The following FTSJ3 variants were observed in gnomAD, a reference collection of about 807,000 sequenced individuals.
FTSJ3 encodes pre-rRNA 2'-O-ribose RNA methyltransferase FTSJ3.
A neutral mutation model predicts 111.5 loss-of-function variants in FTSJ3; 46 were observed. The observed-to-expected ratio is 0.41, with a 90% CI of 0.33 to 0.53. FTSJ3 has a LOEUF of 0.53. Ranked by LOEUF, FTSJ3 falls within the 20% of genes least tolerant of loss-of-function variation. FTSJ3 has a pLI of 0.19. For synonymous variants in FTSJ3, 408 were observed against 383.0 expected, an observed-to-expected ratio of 1.07 and a Z score of -0.76; for missense variants, 1,075 against 1,063.8, an observed-to-expected ratio of 1.01 and a Z score of -0.15.
chr17:63,825,930 T>G, intron 5 of FTSJ3, 126 bp downstream of exon 5: 2 of 773,772 alleles, frequency 2.6e-6, no homozygotes. Context: ...CCATAGGTCT[T>G]GTCGTACAGA....
rs1367182763 is a variant in FTSJ3 at position 63,826,249 on chromosome 17, G to A, written c.220+9C>T. ...CTTAAAACACCAAGGAGAGCTGTCC[G>A]TTACTCACCCACAATAAGGCTGGAT... On this transcript the variant is annotated intron_variant, in intron 4 of 20. Coordinates refer to ENST00000427159, the MANE Select transcript of FTSJ3 (RefSeq NM_017647.4). 2.5e-6 allele frequency: 4 copies of A among 1,613,604 alleles called. No individual in the cohort carries two copies. Among genetic ancestry groups the A allele is most frequent in the Admixed American group, 1.7e-5 (1 of 59,998 alleles).
At position 63,821,793 on chromosome 17, in the gene FTSJ3, T is replaced by C. The variant is rs753315010; in HGVS notation, c.1526A>G (p.Asn509Ser). The C allele has an allele frequency of 5.6e-6, 9 of 1,613,942 alleles. No homozygotes were observed. In the Admixed American group the frequency reaches 1.5e-4, roughly 27 times the overall value. ...QDDKEEEEEENPLLVPLEEKA... is the reference protein window; with the variant it reads ...QDDKEEEEEESPLLVPLEEKA... ...TTCCTCCAGTGGTACCAGCAGTGGA[T>C]TCTCCTCCTCCTCCTCCTCTTTATC... The change falls in exon 15 of 21, where the codon AAT (asparagine) becomes AGT (serine). Residue 509 changes from asparagine (N) to serine (S), a missense_variant. Around this residue, in one of 2 missense-constraint regions of FTSJ3, gnomAD observed 867 missense variants for 796.9 expected, o/e 1.09. Transcript: ENST00000427159.
At chr17:63,820,986 C>G (rs1567751396) in intron 17 of FTSJ3, 44 bp downstream of exon 17, 2 of 1,609,268 alleles carry the variant, frequency 1.2e-6, no homozygotes, top group Admixed American at 1.7e-5. Context: ...AATACTGAGA[C>G]TTCCAGTGGT....
chr17:63,824,484 T>A (rs1431001380), intron 10 of FTSJ3, 73 bp from the exon 11 acceptor site: 18 of 1,542,144 alleles, frequency 1.2e-5, no homozygotes, highest in South Asian at 2.2e-5. Context: ...TTAGGCTCAC[T>A]ACCCACCTTT....
chr17:63,824,226 C>G lies in FTSJ3; in HGVS notation c.1012G>C (p.Glu338Gln). ...KALDISLSSG[E>Q]EDEGDEEDST... ...TCCTCCTCATCACCTTCATCTTCCT[C>G]TCCAGAGCTGAGGCTGGCAAAACAG... is the stretch of plus-strand genomic sequence containing the variant. The change falls in exon 12 of 21, where the codon GAG becomes CAG. Residue 338 changes from glutamate to glutamine, a missense_variant. Glu to Gln is a conservative substitution (Grantham distance 29, BLOSUM62 2). This residue lies in a region of FTSJ3 where 867 missense variants were observed against 796.9 expected (regional missense o/e 1.09). Coordinates refer to ENST00000427159, the MANE Select transcript of FTSJ3 (RefSeq NM_017647.4). 2 of 1,614,210 alleles carry G rather than the reference C, an allele frequency of 1.2e-6. No homozygotes were observed. Among genetic ancestry groups the G allele is most frequent in the Non-Finnish European group, 1.7e-6 (2 of 1,180,050 alleles).
chr17:63,823,090 CATTTT>C (rs2040065461), intron 13 of FTSJ3, among the ~76,000 whole-genome samples: 1 of 151,920 alleles, frequency 6.6e-6, no homozygotes, highest in South Asian at 2.1e-4. Context: ...CACAAAAGTT[CATTTT>C]GTTTGTGACC....
At chr17:63,821,904 C>G in intron 14 of FTSJ3, 61 bp from the exon 15 acceptor site, 1 of 1,613,524 alleles carries the variant, frequency 6.2e-7, no homozygotes, top group African/African-American at 1.3e-5. Context: ...CCCTTGCTGC[C>G]CTACTCAGGC....
At chr17:63,824,572 G>T in intron 10 of FTSJ3, 65 bp downstream of exon 10, 1 of 1,457,250 alleles carries the variant, frequency 6.9e-7, no homozygotes, top group Non-Finnish European at 9.6e-7. Context: ...CTTCCCAGAG[G>T]TCCAACATCA....
Position 63,827,509 on chromosome 17 carries a change from G to T in FTSJ3, c.-484C>A. The T allele has an allele frequency of 6.4e-7, 1 of 1,551,774 alleles. No homozygotes were observed. The highest frequency in any genetic ancestry group is 8.7e-7 in the Non-Finnish European group (1 of 1,147,010). On this transcript the variant is annotated 5_prime_UTR_variant, in exon 1 of 21. In the 5' UTR this introduces an upstream ATG that the reference lacks. Coordinates refer to ENST00000427159, the MANE Select transcript of FTSJ3 (RefSeq NM_017647.4). ...AGAGAAGATGGCGCTTGACGGACCA[G>T]AGCAGGTATGGCGGGTGCAGTGGCG...
Position 63,826,906 on chromosome 17 carries a change from G to A in FTSJ3, c.-4C>T, listed in dbSNP as rs371318776. 9.9e-6 allele frequency: 16 copies of A among 1,613,062 alleles called. No individual in the cohort carries two copies. Among genetic ancestry groups the A allele is most frequent in the Non-Finnish European group, 1.4e-5 (16 of 1,179,098 alleles). On this transcript the variant is annotated 5_prime_UTR_variant, in exon 2 of 21. Coordinates refer to ENST00000427159, the MANE Select transcript of FTSJ3 (RefSeq NM_017647.4). Reference sequence around the variant, plus strand: ...CAACTTTGCCCTTCTTGCCCATGGTGGAAAGGGGGAGTATCCCTCAATCTG... The same window carrying A: ...CAACTTTGCCCTTCTTGCCCATGGTAGAAAGGGGGAGTATCCCTCAATCTG...
chr17:63,823,612 A>G (rs1016017884), intron 13 of FTSJ3: 13 of 540,022 alleles, frequency 2.4e-5, no homozygotes, highest in African/African-American at 3.9e-5. Flanking sequence ...AAAAAAATAA[A>G]TCTATCACAC....
Position 63,827,436 on chromosome 17 carries a change from C to G in FTSJ3, c.-411G>C. On this transcript the variant is annotated 5_prime_UTR_variant, in exon 1 of 21. Coordinates refer to ENST00000427159, the MANE Select transcript of FTSJ3 (RefSeq NM_017647.4). ...TCTTCAGGTCCCAATCCTCCGCTTC[C>G]GCGCTTGCGCGCCAAGACGGCTCGG... The G allele has an allele frequency of 6.4e-7, 1 of 1,551,646 alleles. No individual in the cohort carries two copies. The highest frequency in any genetic ancestry group is 1.7e-4 in the Middle Eastern group (1 of 5,990).
At chr17:63,826,019 C>T (rs958196188) in intron 5 of FTSJ3, 37 bp downstream of exon 5, 8 of 1,517,576 alleles carry the variant, frequency 5.3e-6, no homozygotes, top group Middle Eastern at 1.9e-4. Flanking sequence ...TAGATGTTTC[C>T]GTATAAAGGG....
At position 63,821,812 on chromosome 17, in the gene FTSJ3, CTTT is replaced by C. The variant is rs777247915; in HGVS notation, c.1504_1506del (p.Lys502del). The C allele has an allele frequency of 3.1e-6, 5 of 1,614,084 alleles. No homozygotes were observed. The African/African-American group carries it at 4.0e-5, about 13-fold the overall frequency. Reference sequence around the variant, plus strand: ...AGTGGATTCTCCTCCTCCTCCTCCTCTTTATCATCTTGCACTTCAGTAAGTCGC... The same window carrying C: ...AGTGGATTCTCCTCCTCCTCCTCCTCATCATCTTGCACTTCAGTAAGTCGC... On this transcript the variant is annotated inframe_deletion, in exon 15 of 21. Transcript: ENST00000427159.
At chr17:63,821,209 G>A in intron 16 of FTSJ3, 94 bp from the exon 17 acceptor site, 2 of 1,522,198 alleles carry the variant, frequency 1.3e-6, no homozygotes, top group Non-Finnish European at 1.8e-6. Context: ...CATGCAGGCT[G>A]TACCCCAGAC....
At chr17:63,821,329 C>T (rs760458169) in intron 16 of FTSJ3, 25 bp downstream of exon 16, 1 of 1,586,458 alleles carries the variant, frequency 6.3e-7, no homozygotes, top group Non-Finnish European at 8.6e-7. Context: ...CCTTTCCATC[C>T]CTTCTCTCAG....
At chr17:63,821,702 T>A in intron 15 of FTSJ3, 21 bp downstream of exon 15, 1 of 1,614,222 alleles carries the variant, frequency 6.2e-7, no homozygotes, top group Non-Finnish European at 8.5e-7. Flanking sequence ...CCCCGCAGTC[T>A]TGCCCCCGGC....
In FTSJ3 at chr17:63,826,899, C is replaced by T. The variant is rs1181646233; in HGVS notation, c.4G>A (p.Gly2Ser). 1.2e-6 allele frequency: 2 copies of T among 1,613,768 alleles called. No individual in the cohort carries two copies. Among genetic ancestry groups the T allele is most frequent in the African/African-American group, 2.7e-5 (2 of 74,914 alleles). The part of the protein sequence containing the change: M[G>S]KKGKVGKSRR... ...CTCTTGCCAACTTTGCCCTTCTTGC[C>T]CATGGTGGAAAGGGGGAGTATCCCT... Residue 2 changes from glycine (G) to serine (S), a missense_variant, in exon 2 of 21, where the codon GGC becomes AGC. Physicochemically the swap from Gly to Ser is moderately conservative, Grantham distance 56. This residue lies in a region of FTSJ3 where 208 missense variants were observed against 266.9 expected (regional missense o/e 0.78). Transcript: ENST00000427159.
chr17:63,819,583 C>G lies in FTSJ3; in HGVS notation c.*219G>C. ...AAAAAAAGGGTCATGAGTGTCAACA[C>G]AGTTCAGCAGTGTTTTCATGGGAGA... is the stretch of plus-strand genomic sequence containing the variant. On this transcript the variant is annotated 3_prime_UTR_variant, in exon 21 of 21. Coordinates refer to ENST00000427159, the MANE Select transcript of FTSJ3 (RefSeq NM_017647.4). 4 of 543,548 alleles carry G rather than the reference C, an allele frequency of 7.4e-6. No individual in the cohort carries two copies. Among genetic ancestry groups the G allele is most frequent in the Non-Finnish European group, 1.3e-5 (4 of 306,624 alleles). The allele number at this position is 543,548 out of a possible 1,614,324, so 33.7% of individuals were successfully genotyped here. A position where few individuals can be genotyped will look rare whatever the true frequency, so the allele number is the denominator to read the frequency against.
Sources: allele counts gnomAD v4.1 joint callset (sites outside exome capture counted in the v4.1 genomes callset), GRCh38; gene constraint gnomAD v4.1.1; regional missense constraint gnomAD v4.1.1; transcripts MANE v1.5; gene names NCBI Gene and HGNC (gene_info 2026-07-23, HGNC 2026-07-21).